ZNF585A: variants seen among roughly 807,000 people sequenced by gnomAD.
The protein encoded by ZNF585A is zinc finger protein 585A.
Under a neutral mutation model 14.9 loss-of-function variants are expected in ZNF585A, and 9 were observed. That is an observed-to-expected ratio of 0.60 (90% CI 0.36 to 1.05). ZNF585A has a LOEUF of 1.05. ZNF585A is among the 50% of genes least tolerant of loss of function. The pLI, the probability that ZNF585A is intolerant of heterozygous loss-of-function variation, is 0.01. For missense variants in ZNF585A, 726 were observed against 926.4 expected, an observed-to-expected ratio of 0.78 and a Z score of 2.81; for synonymous variants, 276 against 319.9, an observed-to-expected ratio of 0.86 and a Z score of 1.46.
At chr19:37,162,245 C>T (rs1972024151) in intron 2 of ZNF585A, among the ~76,000 whole-genome samples, 1 of 152,208 alleles carries the variant, frequency 6.6e-6, no homozygotes, top group Non-Finnish European at 1.5e-5. Flanking sequence ...TTCTTAAAAG[C>T]TACTTTTTTA....
At chr19:37,155,599 G>A (rs1304186267) in intron 4 of ZNF585A, among the ~76,000 whole-genome samples, 4 of 151,982 alleles carry the variant, frequency 2.6e-5, no homozygotes, top group East Asian at 2.0e-4. Context: ...GGGTTGTAGT[G>A]AGCTGGGATC....
At chr19:37,155,773 C>T in intron 4 of ZNF585A, 92 bp downstream of exon 4, 2 of 1,413,170 alleles carry the variant, frequency 1.4e-6, no homozygotes, top group Non-Finnish European at 2.0e-6. Context: ...GAAAAAGCAT[C>T]TTAATAGTAT....
chr19:37,169,205 T>G (rs1213759479), intron 2 of ZNF585A, among the ~76,000 whole-genome samples: 1 of 151,958 alleles, frequency 6.6e-6, no homozygotes, highest in Non-Finnish European at 1.5e-5. Flanking sequence ...AGAAATAAAA[T>G]TATACCCATG....
At chr19:37,165,230 C>T (rs746877783) in intron 2 of ZNF585A, among the ~76,000 whole-genome samples, 1 of 151,944 alleles carries the variant, frequency 6.6e-6, no homozygotes, top group Non-Finnish European at 1.5e-5. Flanking sequence ...GGCGTGGTGG[C>T]GCACGCCTGT....
chr19:37,160,188 C>A (rs1288412076), intron 2 of ZNF585A, among the ~76,000 whole-genome samples: 1 of 151,398 alleles, frequency 6.6e-6, no homozygotes, highest in African/African-American at 2.4e-5. Context: ...CAAAAATTAG[C>A]CAGGTGTGGT....
Position 37,152,568 on chromosome 19 carries a change from C to G in ZNF585A, c.1331G>C (p.Gly444Ala). 6.2e-7 allele frequency: 1 copy of G among 1,614,044 alleles called. No individual in the cohort carries two copies. The highest frequency in any genetic ancestry group is 8.5e-7 in the Non-Finnish European group (1 of 1,179,982). Residue 444 changes from glycine (G) to alanine (A), a missense_variant, in exon 5 of 5, where the codon GGG becomes GCG. Gly to Ala is a moderately conservative substitution (Grantham distance 60, BLOSUM62 0). Around this residue, in one of 2 missense-constraint regions of ZNF585A, gnomAD observed 483 missense variants for 542.8 expected, o/e 0.89. Transcript: ENST00000292841. ...TTGCGACTTGGAGGTAAACAATTTC[C>G]CACAGTGACCACATTTATGAGGTTT... is the stretch of plus-strand genomic sequence containing the variant. ...GEKPHKCGHCGKLFTSKSQLH... is the reference protein window; with the variant it reads ...GEKPHKCGHCAKLFTSKSQLH...
intron 2 of ZNF585A, among the ~76,000 whole-genome samples, chr19:37,160,700 T>G (rs1028561036): frequency 1.3e-5 from 2 of 151,986 alleles, no homozygotes; most frequent in African/African-American, 4.8e-5. Context: ...TAGAAAAAAA[T>G]AAGCCAATTC....
rs116292956 is a variant in ZNF585A, at chr19:37,161,858, A to G, written c.73-5503T>C. ...TGAATTCAGGAGAGTGCACGAGCAC[A>G]CAGGAAGAAATTGGAGACAGAAATG... On this transcript the variant is annotated intron_variant, in intron 2 of 4. Coordinates refer to ENST00000292841, the MANE Select transcript of ZNF585A (RefSeq NM_001288800.2). Among the ~76,000 whole-genome samples the G allele has an allele frequency of 3.9e-3, 601 of 152,368 alleles. 5 individuals carry two copies. The highest frequency in any genetic ancestry group is 0.014 in the African/African-American group (574 of 41,596).
In ZNF585A at chr19:37,149,963, G is replaced by C. The variant is rs1176178904; in HGVS notation, c.*1626C>G. ...ACCGCATGAAGCAATGTGGGAAATT[G>C]GGAATCAGCAGACATTGGGTTAACG... On this transcript the variant is annotated 3_prime_UTR_variant, in exon 5 of 5. Transcript: ENST00000292841. 1 of 152,246 alleles carries C rather than the reference G, an allele frequency of 6.6e-6. No individual in the cohort carries two copies. Among genetic ancestry groups the C allele is most frequent in the Non-Finnish European group, 1.5e-5 (1 of 68,124 alleles). 9.4% of individuals were successfully genotyped at this position (152,246 alleles called of 1,614,324 possible).
Position 37,152,427 on chromosome 19 carries a change from T to G in ZNF585A, c.1472A>C (p.Glu491Ala). ...LITHQKTHTG[E>A]KSYICSKCGK... ...ACATTTGGAACATATATAAGATTTC[T>G]CTCCTGTATGAGTTTTCTGATGTGT... The change falls in exon 5 of 5, where the codon GAG (glutamate) becomes GCG (alanine). Residue 491 changes from glutamate (E) to alanine (A), a missense_variant. By Grantham distance (107) the Glu-to-Ala change is moderately radical. Around this residue, in one of 2 missense-constraint regions of ZNF585A, gnomAD observed 243 missense variants for 383.6 expected, o/e 0.63. Coordinates refer to ENST00000292841, the MANE Select transcript of ZNF585A (RefSeq NM_001288800.2). 1 of 1,614,100 alleles carries G rather than the reference T, an allele frequency of 6.2e-7. No individual in the cohort carries two copies. Among genetic ancestry groups the G allele is most frequent in the Non-Finnish European group, 8.5e-7 (1 of 1,180,022 alleles).
intron 2 of ZNF585A, among the ~76,000 whole-genome samples, chr19:37,166,996 G>C (rs1972102664): frequency 6.6e-6 from 1 of 151,422 alleles, no homozygotes. Context: ...ACCACACCTG[G>C]CTAATTTTTC....
chr19:37,165,074 C>A (rs1972065689), intron 2 of ZNF585A, among the ~76,000 whole-genome samples: 1 of 152,086 alleles, frequency 6.6e-6, no homozygotes, highest in African/African-American at 2.4e-5. Flanking sequence ...GAAATTCATC[C>A]TTTTCAGCTG....
intron 2 of ZNF585A, among the ~76,000 whole-genome samples, chr19:37,157,718 T>C (rs1428538803): frequency 6.6e-6 from 1 of 152,088 alleles, no homozygotes; most frequent in Non-Finnish European, 1.5e-5. Flanking sequence ...TTTATATAAA[T>C]GGAGAGAAGT....
In ZNF585A at chr19:37,149,620, A is replaced by T. The variant is rs1341492447; in HGVS notation, c.*1969T>A. On this transcript the variant is annotated 3_prime_UTR_variant, in exon 5 of 5. Coordinates refer to ENST00000292841, the MANE Select transcript of ZNF585A (RefSeq NM_001288800.2). ...AAGTGAGAAAATTGAGGCCCAGAGG[A>T]GGTTTCTGGGCAGGCTGAGGGTCCC... 1 of 152,108 alleles carries T rather than the reference A, an allele frequency of 6.6e-6. No homozygotes were observed. The highest frequency in any genetic ancestry group is 6.6e-5 in the Admixed American group (1 of 15,262). The allele number at this position is 152,108 out of a possible 1,614,324, so 9.4% of individuals were successfully genotyped here.
At chr19:37,155,692 G>A (rs1971916090) in intron 4 of ZNF585A, among the ~76,000 whole-genome samples, 173 bp downstream of exon 4, 1 of 152,110 alleles carries the variant, frequency 6.6e-6, no homozygotes, top group Non-Finnish European at 1.5e-5. Context: ...AGGTCATCCA[G>A]GGAGAATGCA....
chr19:37,163,770 A>G (rs1311982989), intron 2 of ZNF585A, among the ~76,000 whole-genome samples: 1 of 151,992 alleles, frequency 6.6e-6, no homozygotes, highest in Non-Finnish European at 1.5e-5. Flanking sequence ...CAAAAACAAA[A>G]AAGAATCCAA....
intron 2 of ZNF585A, among the ~76,000 whole-genome samples, chr19:37,167,589 T>TTTTATTTATTTTATTTATTTTATTTTA (rs1972113757): frequency 6.9e-6 from 1 of 144,086 alleles, no homozygotes; most frequent in African/African-American, 2.7e-5. Flanking sequence ...TTACTTTTTA[T>TTTTATTTATTTTATTTATTTTATTTTA]TTTTATTTTA....
rs962663956 is a variant in ZNF585A, at chr19:37,162,215, C to T, written c.73-5860G>A. Among the ~76,000 whole-genome samples, 7 of 152,228 alleles carry T rather than the reference C, an allele frequency of 4.6e-5. No homozygotes were observed. In the South Asian group the frequency reaches 1.0e-3, roughly 22 times the overall value. On this transcript the variant is annotated intron_variant, in intron 2 of 4. Transcript: ENST00000292841. Reference sequence around the variant, plus strand: ...ATGGGATTACAGGCGTGAGCCACCACGCCCGGCCTAAAAGTATGATTCTTA... The same window carrying T: ...ATGGGATTACAGGCGTGAGCCACCATGCCCGGCCTAAAAGTATGATTCTTA...
chr19:37,161,160 A>C (rs1972008100), intron 2 of ZNF585A, among the ~76,000 whole-genome samples: 1 of 122,636 alleles, frequency 8.2e-6, no homozygotes, highest in African/African-American at 3.2e-5. Context: ...TCCAATGTCA[A>C]AATCAGACAA....
Sources: gnomAD v4.1 joint callset for allele counts (sites outside exome capture counted in the v4.1 genomes callset) on GRCh38, gnomAD v4.1.1 for gene constraint, gnomAD v4.1.1 regional missense constraint, MANE v1.5 for transcripts, NCBI Gene and HGNC (gene_info 2026-07-23, HGNC 2026-07-21) for gene names.